Variants in GPC5 observed in about 807,000 individuals in gnomAD.
The protein encoded by GPC5 is glypican 5, also known as glypican-5.
A neutral mutation model predicts 53.9 loss-of-function variants in GPC5; 47 were observed. The ratio of observed to expected loss-of-function variants is 0.87; its 90% confidence interval spans 0.69 to 1.11. The LOEUF is 1.11. Among genes scored for constraint, GPC5 ranks in the 50% most tolerant of loss-of-function variants. GPC5 has a pLI of 0.00. For synonymous variants in GPC5, 286 were observed against 263.3 expected (o/e 1.09, Z -0.84); for missense variants, 748 against 713.1 (o/e 1.05, Z -0.56).
At chr13:91,591,131 GAC>G (rs1445941488) in intron 2 of GPC5, among the ~76,000 whole-genome samples, 2 of 152,184 alleles carry the variant, frequency 1.3e-5, no homozygotes, top group African/African-American at 2.4e-5. Context: ...GTTTGTTAAA[GAC>G]ACATGTTCTT....
chr13:92,196,281 T>C (rs2139054015), intron 7 of GPC5, among the ~76,000 whole-genome samples: 1 of 152,310 alleles, frequency 6.6e-6, no homozygotes, highest in East Asian at 1.9e-4. Flanking sequence ...TAGCACCTGA[T>C]ATTTTATAAG....
At chr13:92,523,549 A>T (rs895803460) in intron 7 of GPC5, among the ~76,000 whole-genome samples, 1 of 152,082 alleles carries the variant, frequency 6.6e-6, no homozygotes, top group Non-Finnish European at 1.5e-5. Flanking sequence ...AAATATGTGG[A>T]AGCAAACTTT....
intron 1 of GPC5, among the ~76,000 whole-genome samples, chr13:91,404,389 T>C (rs1376000794): frequency 6.6e-6 from 1 of 152,254 alleles, no homozygotes; most frequent in Non-Finnish European, 1.5e-5. Flanking sequence ...TGTTGAAATA[T>C]ATTCTCTGTG....
chr13:92,218,572 C>T (rs981455749), intron 7 of GPC5, among the ~76,000 whole-genome samples: 3 of 152,300 alleles, frequency 2.0e-5, no homozygotes, highest in Admixed American at 6.5e-5. Flanking sequence ...TGTCCCCTCC[C>T]CCTGCTTCAC....
At chr13:92,694,521 T>C (rs1174452330) in intron 7 of GPC5, among the ~76,000 whole-genome samples, 2 of 152,210 alleles carry the variant, frequency 1.3e-5, no homozygotes, top group Admixed American at 6.5e-5. Flanking sequence ...CTTTAAGATT[T>C]AATGACTGCC....
At chr13:92,498,614 G>C (rs975814344) in intron 7 of GPC5, among the ~76,000 whole-genome samples, 2 of 152,096 alleles carry the variant, frequency 1.3e-5, no homozygotes, top group African/African-American at 4.8e-5. Context: ...ATGGTCACCT[G>C]ACATTCCTGG....
intron 7 of GPC5, among the ~76,000 whole-genome samples, chr13:92,200,238 GA>G (rs1469393677): frequency 1.3e-5 from 2 of 152,014 alleles, no homozygotes; most frequent in South Asian, 2.1e-4. Flanking sequence ...AAATTAAGAG[GA>G]AAAAAATCAA....
intron 7 of GPC5, among the ~76,000 whole-genome samples, chr13:92,353,029 G>A (rs1331392058): frequency 2.0e-5 from 3 of 152,102 alleles, no homozygotes; most frequent in African/African-American, 7.2e-5. Context: ...GGGAGGCCGA[G>A]GCGGGTGGAT....
At chr13:91,720,199 G>A (rs953490691) in intron 3 of GPC5, among the ~76,000 whole-genome samples, 3 of 151,958 alleles carry the variant, frequency 2.0e-5, no homozygotes, top group African/African-American at 7.3e-5. Flanking sequence ...CCAAAATTCC[G>A]TGAATGATTT....
intron 6 of GPC5, among the ~76,000 whole-genome samples, chr13:92,045,534 C>T (rs1035685951): frequency 2.0e-5 from 3 of 152,134 alleles, no homozygotes; most frequent in African/African-American, 4.8e-5. Context: ...CCACCACCCC[C>T]GTCATGATCA....
At chr13:92,186,228 C>T (rs1373412659) in intron 7 of GPC5, among the ~76,000 whole-genome samples, 1 of 151,638 alleles carries the variant, frequency 6.6e-6, no homozygotes, top group African/African-American at 2.4e-5. Context: ...TAATTTTTAA[C>T]AAATAAGTTG....
At chr13:92,740,997 G>T (rs1172906212) in intron 7 of GPC5, among the ~76,000 whole-genome samples, 2 of 124,406 alleles carry the variant, frequency 1.6e-5, no homozygotes, top group Non-Finnish European at 3.5e-5. Context: ...GATCTTCAAA[G>T]ATAAAGGTCT....
chr13:92,491,721 T>A (rs1180913330), intron 7 of GPC5, among the ~76,000 whole-genome samples: 1 of 152,164 alleles, frequency 6.6e-6, no homozygotes, highest in Non-Finnish European at 1.5e-5. Flanking sequence ...TCTACCTGAA[T>A]ATTACTCTAA....
intron 5 of GPC5, among the ~76,000 whole-genome samples, chr13:91,820,851 T>C (rs1213321468): frequency 6.6e-6 from 1 of 151,872 alleles, no homozygotes; most frequent in African/African-American, 2.4e-5. Flanking sequence ...TAGTCACAGC[T>C]ACTCGGGAGG....
At chr13:92,449,882 T>G (rs1165851457) in intron 7 of GPC5, among the ~76,000 whole-genome samples, 1 of 152,166 alleles carries the variant, frequency 6.6e-6, no homozygotes, top group East Asian at 1.9e-4. Flanking sequence ...TTCTTTGTTA[T>G]TCTACATTAA....
At chr13:91,640,697 T>G (rs6492558) in intron 2 of GPC5, among the ~76,000 whole-genome samples, 138,955 of 151,830 alleles carry the variant, frequency 0.92, 63,771 homozygotes, top group East Asian at 1. Flanking sequence ...TACTCAGGAG[T>G]CTGAGGCAGG....
At chr13:92,049,622 C>T (rs533832225) in intron 6 of GPC5, among the ~76,000 whole-genome samples, 1 of 152,196 alleles carries the variant, frequency 6.6e-6, no homozygotes, top group African/African-American at 2.4e-5. Context: ...GAAAGATACT[C>T]TAAAATGCAT....
intron 4 of GPC5, among the ~76,000 whole-genome samples, chr13:91,730,347 C>T (rs756491378): frequency 2.0e-5 from 3 of 152,130 alleles, no homozygotes; most frequent in East Asian, 1.9e-4. Flanking sequence ...CAATGTAGCA[C>T]GAGTGGATGC....
At chr13:92,765,403 C>T (rs574341774) in intron 7 of GPC5, among the ~76,000 whole-genome samples, 2 of 152,234 alleles carry the variant, frequency 1.3e-5, no homozygotes, top group South Asian at 2.1e-4. Flanking sequence ...TTTCTTAATT[C>T]GTTGCAAGTT....
Sources: gnomAD v4.1 joint callset for allele counts (sites outside exome capture counted in the v4.1 genomes callset) on GRCh38, gnomAD v4.1.1 for gene constraint, MANE v1.5 for transcripts, NCBI Gene and HGNC (gene_info 2026-07-23, HGNC 2026-07-21) for gene names.